Variants in NAV2 observed in about 807,000 individuals in gnomAD.
NAV2 encodes the protein neuron navigator 2.
In NAV2, 54 loss-of-function variants were observed where a neutral mutation model predicts 223.2. The observed-to-expected ratio is 0.24, with a 90% CI of 0.19 to 0.30. The LOEUF (loss-of-function observed/expected upper bound fraction) is 0.30, where lower values mean the gene tolerates loss of function less well. NAV2 is among the 10% of genes least tolerant of loss of function. The pLI is 1.00. For synonymous variants in NAV2, 1,279 were observed against 1,239.3 expected, an observed-to-expected ratio of 1.03 and a Z score of -0.67; for missense variants, 2,806 against 3,147.5, an observed-to-expected ratio of 0.89 and a Z score of 2.60.
chr11:19,819,228 A>T (rs1250116437), intron 1 of NAV2, among the ~76,000 whole-genome samples: 2 of 152,240 alleles, frequency 1.3e-5, no homozygotes, highest in Non-Finnish European at 2.9e-5. Flanking sequence ...ATAAAGGCAG[A>T]TGCAAAGTGC....
At chr11:19,893,283 A>T (rs1403631390) in intron 6 of NAV2, among the ~76,000 whole-genome samples, 3 of 152,194 alleles carry the variant, frequency 2.0e-5, no homozygotes, top group African/African-American at 7.2e-5. Context: ...GACATTGGAG[A>T]AACTAAGGTA....
At chr11:19,871,626 C>T (rs759502331) in intron 4 of NAV2, among the ~76,000 whole-genome samples, 11 of 152,116 alleles carry the variant, frequency 7.2e-5, no homozygotes, top group African/African-American at 1.2e-4. Flanking sequence ...ATGATCCCTC[C>T]GGTACCTACC....
chr11:19,455,847 A>G (rs1461545287), intron 1 of NAV2, among the ~76,000 whole-genome samples: 2 of 152,244 alleles, frequency 1.3e-5, no homozygotes, highest in East Asian at 3.8e-4. Flanking sequence ...GCTCTTGAGC[A>G]ACGCACCAGA....
intron 1 of NAV2, among the ~76,000 whole-genome samples, chr11:19,733,176 TGGTTGAA>T (rs1051083613): frequency 6.6e-6 from 1 of 152,218 alleles, no homozygotes; most frequent in Non-Finnish European, 1.5e-5. Flanking sequence ...CAACCCTTGA[TGGTTGAA>T]GGTCAGGGAA....
intron 1 of NAV2, among the ~76,000 whole-genome samples, chr11:19,406,917 A>G (rs1245869534): frequency 3.3e-5 from 5 of 152,144 alleles, no homozygotes; most frequent in Non-Finnish European, 5.9e-5. Flanking sequence ...TGCCATGCCC[A>G]CTTCTACTCC....
intron 1 of NAV2, among the ~76,000 whole-genome samples, chr11:19,365,201 C>T (rs1004578677): frequency 6.6e-6 from 1 of 152,162 alleles, no homozygotes; most frequent in African/African-American, 2.4e-5. Flanking sequence ...CTACCTTCAC[C>T]TCATTCTTTC....
chr11:19,975,343 A>G (rs553639342), intron 10 of NAV2, among the ~76,000 whole-genome samples: 27 of 152,360 alleles, frequency 1.8e-4, no homozygotes, highest in Middle Eastern at 3.4e-3. Context: ...TATTGGTTTA[A>G]GGGTGATAAG....
chr11:19,520,946 C>T lies in NAV2; in HGVS notation c.75+169919C>T, dbSNP rs553256782. On this transcript the variant is annotated intron_variant, in intron 1 of 37. Coordinates refer to the NAV2 transcript ENST00000360655. ...GGGATTTTACAGCTCCCCTGGCCCTCGCTGTGGGCTGAGGCAGCGGTTTGA... is the reference window on the plus strand; with the variant it reads ...GGGATTTTACAGCTCCCCTGGCCCTTGCTGTGGGCTGAGGCAGCGGTTTGA... Among the ~76,000 whole-genome samples the T allele has an allele frequency of 6.6e-5, 10 of 152,302 alleles. No individual in the cohort carries two copies. In the East Asian group the frequency reaches 1.4e-3, roughly 21 times the overall value.
At position 19,664,636 on chromosome 11, in the gene NAV2, T is replaced by C. The variant is rs1304705689; in HGVS notation, c.76-167848T>C. On this transcript the variant is annotated intron_variant, in intron 1 of 37. Coordinates refer to the NAV2 transcript ENST00000360655. Reference sequence around the variant, plus strand: ...GCAAGCCTTGTAAAGGGGTAGGTTATACAGCTCTGAATCTCAGTAGAAACT... The same window carrying C: ...GCAAGCCTTGTAAAGGGGTAGGTTACACAGCTCTGAATCTCAGTAGAAACT... 2.0e-5 allele frequency among the ~76,000 whole-genome samples: 3 copies of C among 152,318 alleles called. No individual in the cohort carries two copies. In the East Asian group the frequency reaches 5.8e-4, roughly 29 times the overall value.
At chr11:20,023,988 A>G (rs2584836) in intron 11 of NAV2, among the ~76,000 whole-genome samples, 33,756 of 152,078 alleles carry the variant, frequency 0.22, 4,460 homozygotes, top group African/African-American at 0.38. Context: ...GAGAGGTTAA[A>G]TAACTTGATT....
chr11:19,822,157 A>G (rs964641968), intron 1 of NAV2, among the ~76,000 whole-genome samples: 11 of 152,214 alleles, frequency 7.2e-5, no homozygotes, highest in African/African-American at 2.7e-4. Context: ...TGTGTCAGGC[A>G]TTGGTAGATT....
At chr11:19,462,056 G>A (rs915810301) in intron 1 of NAV2, among the ~76,000 whole-genome samples, 45 of 152,228 alleles carry the variant, frequency 3.0e-4, no homozygotes, top group African/African-American at 1.0e-3. Flanking sequence ...TCATCCACCC[G>A]CCATGACCTC....
rs563021612 is a variant in NAV2, at chr11:19,808,069, C to A, written c.268-24415C>A. Among the ~76,000 whole-genome samples, 6 of 152,216 alleles carry A rather than the reference C, an allele frequency of 3.9e-5. No individual in the cohort carries two copies. In the South Asian group the frequency reaches 1.0e-3, roughly 26 times the overall value. ...ATGCGTCCTTAAGCAAGTGTTTTAA[C>A]CTCTCTTAAAAACAGGACTAGTCAC... On this transcript the variant is annotated intron_variant, in intron 1 of 37. Transcript: ENST00000349880.
intron 1 of NAV2, among the ~76,000 whole-genome samples, chr11:19,616,327 T>TGTGC (rs2046790092): frequency 6.7e-6 from 1 of 149,488 alleles, no homozygotes; most frequent in Non-Finnish European, 1.5e-5. Context: ...TGTGTGTGTG[T>TGTGC]GTGTGTGTGC....
At chr11:19,579,754 G>T (rs2045662854) in intron 1 of NAV2, among the ~76,000 whole-genome samples, 1 of 152,190 alleles carries the variant, frequency 6.6e-6, no homozygotes, top group Non-Finnish European at 1.5e-5. Flanking sequence ...CCTCCTACAT[G>T]ACCTGGTCTA....
At chr11:19,726,125 A>C (rs879454893) in intron 1 of NAV2, among the ~76,000 whole-genome samples, 1 of 152,236 alleles carries the variant, frequency 6.6e-6, no homozygotes, top group Non-Finnish European at 1.5e-5. Flanking sequence ...TCAATAAAAG[A>C]AATGGGAAAG....
intron 6 of NAV2, among the ~76,000 whole-genome samples, chr11:19,914,462 T>A (rs1455179341): frequency 6.6e-6 from 1 of 152,142 alleles, no homozygotes; most frequent in Non-Finnish European, 1.5e-5. Flanking sequence ...TGTGGACTAT[T>A]CCTGAATGTT....
At chr11:19,469,595 T>C (rs1415338866) in intron 1 of NAV2, among the ~76,000 whole-genome samples, 2 of 152,154 alleles carry the variant, frequency 1.3e-5, no homozygotes, top group Non-Finnish European at 2.9e-5. Flanking sequence ...GTCTCTCACC[T>C]CGCTTTCCCA....
rs78121565 is a variant in NAV2, at chr11:19,970,796, T to C, written c.2646-13329T>C. On this transcript the variant is annotated intron_variant, in intron 10 of 37. Coordinates refer to ENST00000349880, the MANE Select transcript of NAV2 (RefSeq NM_145117.5). Reference sequence around the variant, plus strand: ...TAGTGACTACTTTCTACTTGTATTTTCTTGGACAAATCACTCCAATTCTCT... The same window carrying C: ...TAGTGACTACTTTCTACTTGTATTTCCTTGGACAAATCACTCCAATTCTCT... Among the ~76,000 whole-genome samples, 812 of 152,342 alleles carry C rather than the reference T, an allele frequency of 5.3e-3. 6 individuals carry two copies. Among genetic ancestry groups the C allele is most frequent in the African/African-American group, 0.018 (764 of 41,572 alleles).
Sources: allele counts gnomAD v4.1 joint callset (sites outside exome capture counted in the v4.1 genomes callset), GRCh38; gene constraint gnomAD v4.1.1; transcripts MANE v1.5; gene names NCBI Gene and HGNC (gene_info 2026-07-23, HGNC 2026-07-21).